Variants in ALDH1A2 observed in about 807,000 individuals in gnomAD.
ALDH1A2 encodes the protein retinal dehydrogenase 2.
ALDH1A2 carries 27 observed loss-of-function variants against 60.3 expected under a neutral mutation model. The observed-to-expected ratio is 0.45, with a 90% CI of 0.33 to 0.62. ALDH1A2 has a LOEUF of 0.62. ALDH1A2 is among the 20% of genes least tolerant of loss of function. The probability of loss-of-function intolerance (pLI) is 0.02; values close to 1 mark genes in which losing one functional copy is unlikely to be tolerated. For synonymous variants in ALDH1A2, 289 were observed against 232.4 expected (o/e 1.24, Z -2.21); for missense variants, 581 against 643.8 (o/e 0.90, Z 1.06).
intron 12 of ALDH1A2, among the ~76,000 whole-genome samples, chr15:57,956,647 C>CCCT (rs1292030869): frequency 6.6e-6 from 1 of 152,176 alleles, no homozygotes; most frequent in Non-Finnish European, 1.5e-5. Flanking sequence ...TTGCATGCTT[C>CCCT]CCTCATTAAC....
intron 4 of ALDH1A2, among the ~76,000 whole-genome samples, chr15:58,009,638 T>C (rs1326782165): frequency 6.6e-6 from 1 of 150,978 alleles, no homozygotes; most frequent in African/African-American, 2.4e-5. Flanking sequence ...TATTCACCAC[T>C]TACTATCTCT....
intron 4 of ALDH1A2, among the ~76,000 whole-genome samples, chr15:58,008,305 G>A (rs1173097497): frequency 6.6e-6 from 1 of 152,004 alleles, no homozygotes; most frequent in African/African-American, 2.4e-5. Context: ...TTCATTGACT[G>A]AACAACAGTT....
chr15:58,013,752 A>G, intron 3 of ALDH1A2, 106 bp downstream of exon 3: 1 of 1,453,118 alleles, frequency 6.9e-7, no homozygotes, highest in South Asian at 1.4e-5. Context: ...ACTCCGTCTC[A>G]AAAAATAAAA....
At chr15:57,965,038 G>C (rs905282999) in intron 8 of ALDH1A2, among the ~76,000 whole-genome samples, 12 of 151,946 alleles carry the variant, frequency 7.9e-5, no homozygotes, top group Admixed American at 3.3e-4. Flanking sequence ...ATCACTGAAT[G>C]AGATGGTGGG....
chr15:58,022,280 C>T (rs1156420399), intron 1 of ALDH1A2, among the ~76,000 whole-genome samples: 2 of 152,148 alleles, frequency 1.3e-5, no homozygotes, highest in South Asian at 2.1e-4. Context: ...CCTGAACATT[C>T]CGTACAGGGT....
intron 1 of ALDH1A2, among the ~76,000 whole-genome samples, chr15:58,039,478 G>T (rs1896459715): frequency 6.6e-6 from 1 of 151,770 alleles, no homozygotes; most frequent in African/African-American, 2.4e-5. Flanking sequence ...AATTGTGAAG[G>T]CCATTCCCAT....
At chr15:57,997,415 G>A (rs1595653521) in intron 4 of ALDH1A2, among the ~76,000 whole-genome samples, 2 of 152,084 alleles carry the variant, frequency 1.3e-5, no homozygotes, top group African/African-American at 4.8e-5. Flanking sequence ...ATGGGTTCAG[G>A]TGGATAGTCA....
At chr15:58,057,686 A>G (rs763081235) in intron 1 of ALDH1A2, among the ~76,000 whole-genome samples, 72 of 152,278 alleles carry the variant, frequency 4.7e-4, no homozygotes, top group Non-Finnish European at 8.5e-4. Flanking sequence ...AACATTTAGC[A>G]TCTTCTATCA....
At chr15:58,051,811 G>C (rs1291178437) in intron 1 of ALDH1A2, among the ~76,000 whole-genome samples, 4 of 152,130 alleles carry the variant, frequency 2.6e-5, no homozygotes, top group Non-Finnish European at 2.9e-5. Flanking sequence ...GACCTGCAAA[G>C]TGCTAAGTCT....
At chr15:57,961,928 A>G in intron 10 of ALDH1A2, 84 bp downstream of exon 10, 2 of 1,544,176 alleles carry the variant, frequency 1.3e-6, no homozygotes, top group Non-Finnish European at 1.8e-6. Flanking sequence ...ATAAAGAGCT[A>G]AAACTCTAAT....
intron 1 of ALDH1A2, among the ~76,000 whole-genome samples, chr15:58,028,004 A>T (rs1440349478): frequency 6.6e-6 from 1 of 152,168 alleles, no homozygotes; most frequent in Non-Finnish European, 1.5e-5. Flanking sequence ...AACTTCCCCA[A>T]CCTAGCAAGG....
intron 7 of ALDH1A2, among the ~76,000 whole-genome samples, chr15:57,980,915 G>A (rs902848069): frequency 6.6e-6 from 1 of 152,136 alleles, no homozygotes; most frequent in African/African-American, 2.4e-5. Flanking sequence ...GTCTGGTCCT[G>A]GGCTTTTCTT....
intron 1 of ALDH1A2, among the ~76,000 whole-genome samples, chr15:58,044,339 T>C (rs1362567551): frequency 1.3e-5 from 2 of 151,936 alleles, no homozygotes; most frequent in African/African-American, 2.4e-5. Flanking sequence ...CAGTGTGTGA[T>C]GTTCCCCTCC....
intron 4 of ALDH1A2, among the ~76,000 whole-genome samples, chr15:58,006,039 T>A (rs1226871519): frequency 2.6e-5 from 4 of 151,830 alleles, no homozygotes; most frequent in African/African-American, 9.7e-5. Context: ...TTTTTTTTAT[T>A]TCAATAGTTT....
chr15:57,985,995 T>A (rs1431244680), intron 7 of ALDH1A2, among the ~76,000 whole-genome samples: 1 of 152,148 alleles, frequency 6.6e-6, no homozygotes, highest in Non-Finnish European at 1.5e-5. Flanking sequence ...CCAACTGAAG[T>A]AAATAAAATA....
intron 1 of ALDH1A2, among the ~76,000 whole-genome samples, chr15:58,025,580 A>G (rs936521074): frequency 6.6e-6 from 1 of 152,214 alleles, no homozygotes; most frequent in African/African-American, 2.4e-5. Context: ...CCAAACATAC[A>G]AAGAATAACT....
chr15:58,014,976 G>C (rs1895748591), intron 1 of ALDH1A2, among the ~76,000 whole-genome samples: 1 of 152,156 alleles, frequency 6.6e-6, no homozygotes, highest in Non-Finnish European at 1.5e-5. Flanking sequence ...ATGGCAAAGA[G>C]ACTGAAGATT....
chr15:57,961,343 C>G (rs1299935719), intron 10 of ALDH1A2, 49 bp from the exon 11 acceptor site: 2 of 1,598,868 alleles, frequency 1.3e-6, no homozygotes, highest in Admixed American at 1.7e-5. Flanking sequence ...CATTCCTTTA[C>G]CTGCTTTCCA....
chr15:58,058,107 A>C (rs1240581059), intron 1 of ALDH1A2: 2 of 1,522,324 alleles, frequency 1.3e-6, no homozygotes, highest in Admixed American at 2.0e-5. Flanking sequence ...CAATTTTCAC[A>C]CCTAGAGAAA....
Sources: gnomAD v4.1 joint callset for allele counts (sites outside exome capture counted in the v4.1 genomes callset) on GRCh38, gnomAD v4.1.1 for gene constraint, MANE v1.5 for transcripts, NCBI Gene and HGNC (gene_info 2026-07-23, HGNC 2026-07-21) for gene names.